Variants in NRG3 observed in about 807,000 individuals in gnomAD.
NRG3 encodes pro-neuregulin-3, membrane-bound isoform.
NRG3 carries 31 observed loss-of-function variants against 66.9 expected under a neutral mutation model. The ratio of observed to expected loss-of-function variants is 0.46; its 90% CI spans 0.35 to 0.63. The LOEUF (loss-of-function observed/expected upper bound fraction) is 0.63, where lower values mean the gene tolerates loss of function less well. Among genes scored for constraint, NRG3 ranks in the 20% least tolerant of loss-of-function variants. The pLI, the probability that NRG3 is intolerant of heterozygous loss-of-function variation, is 0.00. For missense variants in NRG3, 910 were observed against 878.9 expected (o/e 1.04, Z -0.45); for synonymous variants, 393 against 359.4 (o/e 1.09, Z -1.06).
At chr10:82,107,992 G>A (rs1033065210) in intron 1 of NRG3, among the ~76,000 whole-genome samples, 13 of 152,272 alleles carry the variant, frequency 8.5e-5, no homozygotes, top group Admixed American at 2.6e-4. Context: ...TGACGCAGCC[G>A]TCTGTGAGGT....
intron 2 of NRG3, among the ~76,000 whole-genome samples, chr10:82,708,949 C>T (rs2056483877): frequency 1.3e-5 from 2 of 152,076 alleles, no homozygotes; most frequent in South Asian, 4.2e-4. Flanking sequence ...GCAATTGCCT[C>T]TCGTAACCCC....
intron 1 of NRG3, among the ~76,000 whole-genome samples, chr10:82,240,737 T>G (rs546341665): frequency 1.3e-5 from 2 of 152,314 alleles, no homozygotes; most frequent in East Asian, 3.9e-4. Context: ...GCATTAGATC[T>G]TTCTTTATGA....
At chr10:82,402,701 A>G (rs1435975201) in intron 2 of NRG3, among the ~76,000 whole-genome samples, 2 of 152,162 alleles carry the variant, frequency 1.3e-5, no homozygotes, top group Non-Finnish European at 2.9e-5. Context: ...AGAAATCAAT[A>G]AAACTTTTAG....
intron 2 of NRG3, among the ~76,000 whole-genome samples, chr10:82,733,191 G>A (rs959936821): frequency 7.9e-5 from 12 of 152,242 alleles, no homozygotes; most frequent in East Asian, 5.8e-4. Context: ...AAGAGACCAG[G>A]CACTATGCAG....
chr10:82,252,247 A>G (rs970620084), intron 1 of NRG3, among the ~76,000 whole-genome samples: 3 of 152,230 alleles, frequency 2.0e-5, no homozygotes, highest in Admixed American at 6.5e-5. Flanking sequence ...TCAATTGGGT[A>G]CAAAAAATTT....
chr10:82,038,419 T>C (rs1054674467), intron 1 of NRG3, among the ~76,000 whole-genome samples: 1 of 152,138 alleles, frequency 6.6e-6, no homozygotes, highest in Non-Finnish European at 1.5e-5. Context: ...TGGTCATTTT[T>C]ACCATTTTAC....
At chr10:82,806,019 A>G (rs2061265412) in intron 3 of NRG3, among the ~76,000 whole-genome samples, 1 of 152,204 alleles carries the variant, frequency 6.6e-6, no homozygotes, top group African/African-American at 2.4e-5. Flanking sequence ...AGGAGATTTT[A>G]TCTAATCTTA....
chr10:82,230,004 AAAAAG>A (rs1221364904), intron 1 of NRG3: 1 of 152,218 alleles, frequency 6.6e-6, no homozygotes, highest in Admixed American at 6.5e-5. Flanking sequence ...TCCAAACAGA[AAAAAG>A]AAAAGTTCAG....
intron 5 of NRG3, among the ~76,000 whole-genome samples, chr10:82,952,823 A>G (rs1849670812): frequency 6.6e-6 from 1 of 151,932 alleles, no homozygotes; most frequent in Admixed American, 6.6e-5. Flanking sequence ...ATTTTTTAAA[A>G]TAACAGAAAC....
chr10:82,593,966 C>T (rs1417515582), intron 2 of NRG3, among the ~76,000 whole-genome samples: 3 of 151,954 alleles, frequency 2.0e-5, no homozygotes, highest in African/African-American at 7.2e-5. Flanking sequence ...TGTGTAAAAG[C>T]CAGACTTTCT....
intron 4 of NRG3, among the ~76,000 whole-genome samples, chr10:82,917,603 G>T (rs1344738446): frequency 2.6e-5 from 4 of 152,044 alleles, no homozygotes; most frequent in Non-Finnish European, 5.9e-5. Context: ...TAACTCCTCT[G>T]ATAGTTCAGT....
intron 1 of NRG3, among the ~76,000 whole-genome samples, chr10:82,306,068 C>T (rs568761550): frequency 2.0e-5 from 3 of 152,168 alleles, no homozygotes; most frequent in African/African-American, 7.2e-5. Flanking sequence ...TTGAACTATG[C>T]CAAATGTATT....
intron 1 of NRG3, among the ~76,000 whole-genome samples, chr10:82,254,243 A>G (rs1030095751): frequency 6.6e-6 from 1 of 152,242 alleles, no homozygotes; most frequent in Non-Finnish European, 1.5e-5. Flanking sequence ...GCCAGGATCT[A>G]GTACAGTGAA....
intron 1 of NRG3, among the ~76,000 whole-genome samples, chr10:82,074,749 A>C (rs956443994): frequency 2.0e-5 from 3 of 152,158 alleles, no homozygotes; most frequent in Admixed American, 6.5e-5. Context: ...AAGCAAGAGG[A>C]TCTCTTGAGC....
At chr10:82,201,718 A>T (rs528072886) in intron 1 of NRG3, among the ~76,000 whole-genome samples, 1 of 152,158 alleles carries the variant, frequency 6.6e-6, no homozygotes, top group Non-Finnish European at 1.5e-5. Context: ...ATACCTTTCA[A>T]AGGTAACTAT....
chr10:82,795,729 C>G (rs143479088), intron 3 of NRG3, among the ~76,000 whole-genome samples: 147 of 152,150 alleles, frequency 9.7e-4, no homozygotes, highest in African/African-American at 3.4e-3. Context: ...AGGGGTAAAG[C>G]AGAAGAGACT....
At chr10:81,954,279 T>G (rs1849623546) in intron 1 of NRG3, among the ~76,000 whole-genome samples, 1 of 150,306 alleles carries the variant, frequency 6.7e-6, no homozygotes, top group Non-Finnish European at 1.5e-5. Context: ...ATTTCCTTTT[T>G]GTTTATCACT....
intron 1 of NRG3, among the ~76,000 whole-genome samples, chr10:82,149,705 CTGT>C (rs910836902): frequency 1.4e-5 from 2 of 140,604 alleles, no homozygotes; most frequent in African/African-American, 5.8e-5. Context: ...TTAGAAAGCT[CTGT>C]TTTTTTTTTT....
intron 1 of NRG3, among the ~76,000 whole-genome samples, chr10:82,032,581 ATAAGT>A (rs1313636465): frequency 2.8e-4 from 43 of 152,248 alleles, no homozygotes; most frequent in Admixed American, 1.2e-3. Context: ...CAGAATAATG[ATAAGT>A]TAAGCAGAAT....
Sources: allele counts gnomAD v4.1 joint callset (sites outside exome capture counted in the v4.1 genomes callset), GRCh38; gene constraint gnomAD v4.1.1; transcripts MANE v1.5; gene names NCBI Gene and HGNC (gene_info 2026-07-23, HGNC 2026-07-21).